GRHL2: variants seen among roughly 807,000 people sequenced by gnomAD.
GRHL2 encodes grainyhead like transcription factor 2.
GRHL2 carries 21 observed loss-of-function variants against 83.8 expected under a neutral mutation model. The observed-to-expected ratio is 0.25, with a 90% CI of 0.18 to 0.36. GRHL2 has a LOEUF of 0.36. Among genes scored for constraint, GRHL2 ranks in the 10% least tolerant of loss-of-function variants. The pLI is 1.00. For synonymous variants in GRHL2, 280 were observed against 278.9 expected (o/e 1.00, Z -0.04); for missense variants, 623 against 781.8 (o/e 0.80, Z 2.42).
intron 13 of GRHL2, among the ~76,000 whole-genome samples, chr8:101,646,633 CAA>C (rs560086288): frequency 9.2e-5 from 14 of 152,292 alleles, no homozygotes; most frequent in East Asian, 3.9e-4. Context: ...AGAAGTTCTC[CAA>C]GAGAGAGAAT....
chr8:101,570,323 G>C lies in GRHL2; in HGVS notation c.679-16G>C. 6.2e-7 allele frequency: 1 copy of C among 1,607,230 alleles called. No individual in the cohort carries two copies. The highest frequency in any genetic ancestry group is 1.3e-5 in the African/African-American group (1 of 74,874). On this transcript the variant is annotated splice_polypyrimidine_tract_variant and intron_variant, in intron 4 of 15. Transcript: ENST00000646743. ...CTTACCTATTTGTTTTAATTCCGAT[G>C]ACTCATATTTTGCAGAAATTTCGGA... is the stretch of plus-strand genomic sequence containing the variant.
intron 2 of GRHL2, among the ~76,000 whole-genome samples, chr8:101,548,324 G>T (rs971729749): frequency 4.6e-5 from 7 of 152,186 alleles, no homozygotes; most frequent in Non-Finnish European, 7.3e-5. Flanking sequence ...CAAACACATT[G>T]CTATAAACCT....
chr8:101,609,798 A>C (rs1812711402), intron 8 of GRHL2, among the ~76,000 whole-genome samples: 1 of 150,992 alleles, frequency 6.6e-6, no homozygotes, highest in Admixed American at 6.6e-5. Context: ...GATACTCAAG[A>C]AATTGTTGGT....
intron 9 of GRHL2, among the ~76,000 whole-genome samples, chr8:101,628,444 T>A (rs972857658): frequency 1.3e-5 from 2 of 152,026 alleles, no homozygotes; most frequent in Non-Finnish European, 2.9e-5. Context: ...TAATTGACAA[T>A]GTTCCCAGTC....
At chr8:101,652,574 G>GT in intron 14 of GRHL2, among the ~76,000 whole-genome samples, 1 of 87,816 alleles carries the variant, frequency 1.1e-5, no homozygotes, top group South Asian at 4.1e-4. Flanking sequence ...GTGTGTGTGT[G>GT]GTGTGTGTGG....
chr8:101,521,642 G>A (rs1220625419), intron 1 of GRHL2, among the ~76,000 whole-genome samples: 3 of 152,122 alleles, frequency 2.0e-5, no homozygotes, highest in East Asian at 1.9e-4. Flanking sequence ...AAGACCTGTC[G>A]AATGAATGTG....
intron 14 of GRHL2, among the ~76,000 whole-genome samples, chr8:101,663,309 GT>G (rs1420903779): frequency 4.6e-5 from 7 of 152,090 alleles, no homozygotes; most frequent in Non-Finnish European, 7.4e-5. Context: ...TCAAGTTTTA[GT>G]TTTTTGTTAG....
chr8:101,502,814 C>T (rs1225519286), intron 1 of GRHL2, among the ~76,000 whole-genome samples: 1 of 151,472 alleles, frequency 6.6e-6, no homozygotes, highest in Non-Finnish European at 1.5e-5. Context: ...TTCTCCTTCT[C>T]TTCTTCTCTG....
At chr8:101,602,740 T>A (rs1352557981) in intron 8 of GRHL2, among the ~76,000 whole-genome samples, 1 of 152,244 alleles carries the variant, frequency 6.6e-6, no homozygotes, top group Non-Finnish European at 1.5e-5. Context: ...TCTGGAACTT[T>A]CCCTACCTAG....
At chr8:101,532,102 C>G (rs913917197) in intron 1 of GRHL2, among the ~76,000 whole-genome samples, 1 of 152,176 alleles carries the variant, frequency 6.6e-6, no homozygotes, top group Admixed American at 6.5e-5. Flanking sequence ...TATCTGTTAT[C>G]TCTTGTGATT....
chr8:101,588,712 C>G (rs530066672), intron 7 of GRHL2, among the ~76,000 whole-genome samples: 44 of 152,200 alleles, frequency 2.9e-4, no homozygotes, highest in African/African-American at 8.9e-4. Context: ...TGCCAATTAC[C>G]AAAAAGTTAT....
At chr8:101,541,178 GT>G (rs1811146998) in intron 1 of GRHL2, among the ~76,000 whole-genome samples, 1 of 143,132 alleles carries the variant, frequency 7.0e-6, no homozygotes, top group Admixed American at 7.2e-5. Flanking sequence ...GTGTGTGTGT[GT>G]GTGTGTGTGT....
chr8:101,541,756 G>A (rs1811158534), intron 1 of GRHL2, among the ~76,000 whole-genome samples: 1 of 152,092 alleles, frequency 6.6e-6, no homozygotes, highest in South Asian at 2.1e-4. Context: ...ACCCAGCAGG[G>A]GAAATGCTGA....
At chr8:101,664,059 T>C (rs530060935) in intron 14 of GRHL2, among the ~76,000 whole-genome samples, 1 of 152,360 alleles carries the variant, frequency 6.6e-6, no homozygotes, top group Non-Finnish European at 1.5e-5. Context: ...TCCTCTACTT[T>C]TATGGTTTCA....
chr8:101,668,506 G>A lies in GRHL2; in HGVS notation c.*1803G>A, dbSNP rs748230676. On this transcript the variant is annotated 3_prime_UTR_variant, in exon 16 of 16. Coordinates refer to ENST00000646743, the MANE Select transcript of GRHL2 (RefSeq NM_024915.4). ...AAGAAGATCTCCGAGCAGCAGTGAC[G>A]GGGCACCTTGCTGTGTGTCCTCTGG... 1.3e-5 allele frequency: 2 copies of A among 152,884 alleles called. No homozygotes were observed. Among genetic ancestry groups the A allele is most frequent in the African/African-American group, 2.4e-5 (1 of 41,530 alleles). 9.5% of individuals were successfully genotyped at this position (152,884 alleles called of 1,614,324 possible). A position where few individuals can be genotyped will look rare whatever the true frequency, so the allele number is the denominator to read the frequency against.
chr8:101,556,316 A>G (rs893559005), intron 3 of GRHL2, among the ~76,000 whole-genome samples: 3 of 152,158 alleles, frequency 2.0e-5, no homozygotes, highest in Non-Finnish European at 4.4e-5. Context: ...AAAGCCCCAG[A>G]AAGCACATGC....
intron 8 of GRHL2, among the ~76,000 whole-genome samples, chr8:101,609,697 G>A (rs1265719387): frequency 1.3e-5 from 2 of 150,904 alleles, no homozygotes; most frequent in Non-Finnish European, 1.5e-5. Flanking sequence ...GTGAAAAAAA[G>A]CAAGATGCAG....
intron 8 of GRHL2, among the ~76,000 whole-genome samples, chr8:101,616,166 TTCTC>T (rs779881380): frequency 1.3e-5 from 2 of 149,674 alleles, no homozygotes; most frequent in African/African-American, 4.9e-5. Context: ...CTTCCTTCCT[TTCTC>T]TCTCTCTCTC....
chr8:101,615,718 G>C (rs1344590354), intron 8 of GRHL2, among the ~76,000 whole-genome samples: 1 of 152,186 alleles, frequency 6.6e-6, no homozygotes, highest in Middle Eastern at 3.4e-3. Context: ...TTTAGTGTTT[G>C]ATGAAGCTGT....
Sources: gnomAD v4.1 joint callset for allele counts (sites outside exome capture counted in the v4.1 genomes callset) on GRCh38, gnomAD v4.1.1 for gene constraint, MANE v1.5 for transcripts, NCBI Gene and HGNC (gene_info 2026-07-23, HGNC 2026-07-21) for gene names.